ABCA10: variants seen among roughly 807,000 people sequenced by gnomAD.
ABCA10 encodes the protein ATP-binding cassette sub-family A member 10.
A neutral mutation model predicts 187.5 loss-of-function variants in ABCA10; 169 were observed. That is an observed-to-expected ratio of 0.90 (90% CI 0.80 to 1.02). The LOEUF is 1.02. Among genes scored for constraint, ABCA10 ranks in the 50% least tolerant of loss-of-function variants. The probability of loss-of-function intolerance (pLI) is 0.00; values close to 1 mark genes in which losing one functional copy is unlikely to be tolerated. For synonymous variants in ABCA10, 574 were observed against 601.8 expected (o/e 0.95, Z 0.68); for missense variants, 1,727 against 1,812.4 (o/e 0.95, Z 0.86).
At position 69,175,391 on chromosome 17, in the gene ABCA10, C is replaced by G. The variant is rs2144780674; in HGVS notation, c.2877+15G>C. The G allele has an allele frequency of 6.3e-7, 1 of 1,591,446 alleles. No individual in the cohort carries two copies. On this transcript the variant is annotated intron_variant, in intron 23 of 38. Transcript: ENST00000690296. ...AAAATCAATCTCAATCTAATTTCCTCTCTCTCCCTCTTACTTTATAATCGC... is the reference window on the plus strand; with the variant it reads ...AAAATCAATCTCAATCTAATTTCCTGTCTCTCCCTCTTACTTTATAATCGC...
At chr17:69,155,262 C>T in intron 29 of ABCA10, 126 bp from the exon 30 acceptor site, 1 of 666,746 alleles carries the variant, frequency 1.5e-6, no homozygotes, top group Non-Finnish European at 2.5e-6. Flanking sequence ...GAGCTTTAGC[C>T]TCTTTTTTCA....
At position 69,155,037 on chromosome 17, in the gene ABCA10, A is replaced by C. The variant is rs766130666; in HGVS notation, c.3676T>G (p.Ser1226Ala). 1 of 1,598,356 alleles carries C rather than the reference A, an allele frequency of 6.3e-7. No individual in the cohort carries two copies. Among genetic ancestry groups the C allele is most frequent in the Admixed American group, 1.7e-5 (1 of 59,688 alleles). Reference protein sequence around the residue: ...RKKKIAIRNVSFCVKKGEVLG... With the variant: ...RKKKIAIRNVAFCVKKGEVLG... ...TTCAAACCTTTTTTAACACAAAAGG[A>C]AACATTTCTGATGGCTATTTTCTTC... The change falls in exon 30 of 39, where the codon TCC becomes GCC. Residue 1226 changes from serine to alanine, a missense_variant. Physicochemically the swap from Ser to Ala is moderately conservative, Grantham distance 99 (BLOSUM62 1). Coordinates refer to ENST00000690296, the MANE Select transcript of ABCA10 (RefSeq NM_001377321.1).
rs1471545633 is a variant in ABCA10 at position 69,201,659 on chromosome 17, C to T, written c.1016G>A (p.Gly339Asp). The T allele has an allele frequency of 1.3e-6, 2 of 1,597,252 alleles. No individual in the cohort carries two copies. The highest frequency in any genetic ancestry group is 4.5e-5 in the East Asian group (2 of 44,616). Reference sequence around the variant, plus strand: ...GAAAAATAATGGAGAATCCCCATGGCCATCTTTATCTAATTAATTAAGATA... The same window carrying T: ...GAAAAATAATGGAGAATCCCCATGGTCATCTTTATCTAATTAATTAAGATA... ...YFERVLPDKD[G>D]HGDSPLFFLK... Residue 339 changes from glycine to aspartate, a missense_variant, in exon 10 of 39, where the codon GGC becomes GAC. Physicochemically the swap from Gly to Asp is moderately conservative, Grantham distance 94 (BLOSUM62 -1). Transcript: ENST00000690296.
chr17:69,194,038 G>A, intron 12 of ABCA10, 49 bp from the exon 13 acceptor site: 1 of 1,462,912 alleles, frequency 6.8e-7, no homozygotes, highest in Non-Finnish European at 9.3e-7. Flanking sequence ...TTAATTCTAT[G>A]CAGAGTGATA....
intron 9 of ABCA10, among the ~76,000 whole-genome samples, chr17:69,210,170 CTTTTTTTTTTTTTTTT>C (rs1160992125): frequency 6.2e-4 from 44 of 70,882 alleles, no homozygotes; most frequent in African/African-American, 2.8e-3. Context: ...GTGGTTATTT[CTTTTTTTTTTTTTTTT>C]TTTTTTTTTT....
chr17:69,228,546 T>G (rs2074810784), intron 1 of ABCA10, 35 bp downstream of exon 1: 1 of 152,028 alleles, frequency 6.6e-6, no homozygotes. Flanking sequence ...TAAAACCTTA[T>G]GCAAAGTGAA....
intron 7 of ABCA10, 25 bp from the exon 8 acceptor site, chr17:69,216,025 G>A: frequency 6.3e-7 from 1 of 1,586,994 alleles, no homozygotes; most frequent in Non-Finnish European, 8.5e-7. Context: ...AGGTCTGATT[G>A]GTATATTTTT....
intron 9 of ABCA10, among the ~76,000 whole-genome samples, chr17:69,203,388 GT>G (rs1431784161): frequency 4.6e-5 from 7 of 152,062 alleles, no homozygotes; most frequent in Non-Finnish European, 8.8e-5. Context: ...TTATATTCTT[GT>G]TTTGCTACTA....
At chr17:69,192,736 T>G in intron 15 of ABCA10, 83 bp from the exon 16 acceptor site, 1 of 1,185,502 alleles carries the variant, frequency 8.4e-7, no homozygotes, top group African/African-American at 1.5e-5. Flanking sequence ...ACTAAAACAC[T>G]GAATGAAATT....
chr17:69,209,502 A>C (rs748453762), intron 9 of ABCA10, among the ~76,000 whole-genome samples: 1 of 152,266 alleles, frequency 6.6e-6, no homozygotes, highest in Non-Finnish European at 1.5e-5. Flanking sequence ...AAGATTAAGC[A>C]AATATAAAAT....
chr17:69,234,887 T>C (rs2074856416), intron 1 of ABCA10: 1 of 152,232 alleles, frequency 6.6e-6, no homozygotes, highest in Admixed American at 6.5e-5. Context: ...TTGTTTTACT[T>C]CTTAAATATT....
chr17:69,231,280 C>T (rs2074830212), upstream of ABCA10, among the ~76,000 whole-genome samples: 1 of 152,114 alleles, frequency 6.6e-6, no homozygotes, highest in African/African-American at 2.4e-5. Context: ...AAATGGCATT[C>T]TCCTGTGTAT....
chr17:69,169,528 C>T (rs547061713), intron 25 of ABCA10, among the ~76,000 whole-genome samples: 14 of 152,028 alleles, frequency 9.2e-5, no homozygotes, highest in Admixed American at 3.3e-4. Flanking sequence ...AAAAAGTGCA[C>T]GCAAATGCAA....
In ABCA10 at chr17:69,172,041, T is replaced by A. The variant is rs558014064; in HGVS notation, c.3162+2240A>T. On this transcript the variant is annotated intron_variant, in intron 25 of 38. Transcript: ENST00000690296. The stretch of plus-strand genomic sequence containing the variant: ...TTGATTTAAAATGTACACAAATCTT[T>A]TTTAAGTTCTTAAAATGTTAATAAA... Among the ~76,000 whole-genome samples the A allele has an allele frequency of 5.9e-5, 9 of 152,094 alleles. No homozygotes were observed. The East Asian group carries it at 1.7e-3, about 29-fold the overall frequency.
rs9674592 is a variant in ABCA10 at position 69,185,716 on chromosome 17, A to G, written c.2331-73T>C. 3.3e-3 allele frequency: 4,212 copies of G among 1,263,994 alleles called. 117 individuals are homozygous for G. In the African/African-American group the frequency reaches 0.054, roughly 16 times the overall value. The allele number at this position is 1,263,994 out of a possible 1,614,324, so 78.3% of individuals were successfully genotyped here. The stretch of plus-strand genomic sequence containing the variant: ...GTTATTTAAGTCACAAAGATGCTAT[A>G]TAAGTGCTAACTATGGAAAGTCCAC... On this transcript the variant is annotated intron_variant, in intron 19 of 38. Transcript: ENST00000690296.
At chr17:69,192,989 G>A in intron 15 of ABCA10, 121 bp downstream of exon 15, 5 of 1,392,590 alleles carry the variant, frequency 3.6e-6, no homozygotes, top group Non-Finnish European at 4.8e-6. Context: ...GTGGAGGCTT[G>A]AAATGGGCTT....
chr17:69,217,234 C>T lies in ABCA10; in HGVS notation c.531-876G>A, dbSNP rs140806232. ...TGCACTCCAGCCTGGGCAACAAGAG[C>T]GAAACTCCATCTCAAAAAAAGAAAA... is the stretch of plus-strand genomic sequence containing the variant. On this transcript the variant is annotated intron_variant, in intron 6 of 38. Coordinates refer to ENST00000690296, the MANE Select transcript of ABCA10 (RefSeq NM_001377321.1). Among the ~76,000 whole-genome samples the T allele has an allele frequency of 4.2e-3, 626 of 147,892 alleles. 5 individuals are homozygous for T. The highest frequency in any genetic ancestry group is 0.015 in the African/African-American group (600 of 39,898).
In ABCA10 at chr17:69,216,428, G is replaced by A. The variant is rs114332456; in HGVS notation, c.531-70C>T. On this transcript the variant is annotated intron_variant, in intron 6 of 38. Transcript: ENST00000690296. Reference sequence around the variant, plus strand: ...TGTTTGGAGAGGTAATGTGCGAAATGGTTAAGAGTAAAAGCTCTGAAATCA... The same window carrying A: ...TGTTTGGAGAGGTAATGTGCGAAATAGTTAAGAGTAAAAGCTCTGAAATCA... 2.8e-4 allele frequency: 424 copies of A among 1,497,158 alleles called. 1 individual carries two copies. In the African/African-American group the frequency reaches 5.1e-3, roughly 18 times the overall value. The allele number at this position is 1,497,158 out of a possible 1,614,324, so 92.7% of individuals were successfully genotyped here.
chr17:69,192,667 A>G lies in ABCA10; in HGVS notation c.1781-14T>C, dbSNP rs944809132. ...ATACTTTCCTATCTGAGTAGAAAGG[A>G]AGATTCAAAAAATTATGTGAAGAGT... On this transcript the variant is annotated splice_polypyrimidine_tract_variant and intron_variant, in intron 15 of 38. Coordinates refer to ENST00000690296, the MANE Select transcript of ABCA10 (RefSeq NM_001377321.1). 6.3e-7 allele frequency: 1 copy of G among 1,593,778 alleles called. No homozygotes were observed. The highest frequency in any genetic ancestry group is 1.3e-5 in the African/African-American group (1 of 74,512).
Sources: allele counts gnomAD v4.1 joint callset (sites outside exome capture counted in the v4.1 genomes callset), GRCh38; gene constraint gnomAD v4.1.1; transcripts MANE v1.5; gene names NCBI Gene and HGNC (gene_info 2026-07-23, HGNC 2026-07-21).